The following RABGAP1L variants were observed in gnomAD, a reference collection of about 807,000 sequenced individuals.
RABGAP1L encodes the protein RAB GTPase activating protein 1 like.
A neutral mutation model predicts 137.7 loss-of-function variants in RABGAP1L; 63 were observed. The observed-to-expected ratio is 0.46, with a 90% confidence interval of 0.37 to 0.56. The LOEUF (loss-of-function observed/expected upper bound fraction) is 0.56, where lower values mean the gene tolerates loss of function less well. RABGAP1L is among the 20% of genes least tolerant of loss of function. The pLI, the probability that RABGAP1L is intolerant of heterozygous loss-of-function variation, is 0.00. For synonymous variants in RABGAP1L, 431 were observed against 433.7 expected, an observed-to-expected ratio of 0.99 and a Z score of 0.08; for missense variants, 1,095 against 1,244.0, an observed-to-expected ratio of 0.88 and a Z score of 1.80.
At chr1:174,924,597 A>G (rs1351314558) in intron 19 of RABGAP1L, among the ~76,000 whole-genome samples, 1 of 152,116 alleles carries the variant, frequency 6.6e-6, no homozygotes, top group Non-Finnish European at 1.5e-5. Context: ...CCCCAGGCCC[A>G]GAAAAGATTT....
chr1:174,408,216 C>T (rs1299835985), intron 13 of RABGAP1L, among the ~76,000 whole-genome samples: 1 of 152,152 alleles, frequency 6.6e-6, no homozygotes, highest in Non-Finnish European at 1.5e-5. Flanking sequence ...CAGCCCTTGT[C>T]TCCTTCAGCC....
chr1:174,497,369 A>T (rs1473586381), intron 13 of RABGAP1L, among the ~76,000 whole-genome samples: 1 of 152,214 alleles, frequency 6.6e-6, no homozygotes, highest in African/African-American at 2.4e-5. Flanking sequence ...TATATGAGGA[A>T]ACTGCAAGTT....
chr1:174,679,250 G>A (rs464540), intron 14 of RABGAP1L, among the ~76,000 whole-genome samples: 56,061 of 152,024 alleles, frequency 0.37, 13,549 homozygotes, highest in African/African-American at 0.69. Flanking sequence ...TGCAAGCCCC[G>A]TGTTTAAAGG....
chr1:174,400,638 G>T (rs993145031), intron 13 of RABGAP1L, among the ~76,000 whole-genome samples: 5 of 152,124 alleles, frequency 3.3e-5, no homozygotes, highest in Non-Finnish European at 7.4e-5. Context: ...TATTCATCTT[G>T]TTGGGGAGAG....
chr1:174,812,988 G>A (rs1690032652), intron 19 of RABGAP1L, among the ~76,000 whole-genome samples: 1 of 152,216 alleles, frequency 6.6e-6, no homozygotes, highest in Non-Finnish European at 1.5e-5. Context: ...AATGAAATGG[G>A]AGTAGTAGGA....
At chr1:174,626,964 G>A (rs1672981438) in intron 13 of RABGAP1L, among the ~76,000 whole-genome samples, 1 of 152,138 alleles carries the variant, frequency 6.6e-6, no homozygotes, top group Admixed American at 6.6e-5. Flanking sequence ...AGGTCAAAGA[G>A]TTTTTCAGCT....
At chr1:174,754,345 GA>G in intron 18 of RABGAP1L, among the ~76,000 whole-genome samples, 1 of 152,064 alleles carries the variant, frequency 6.6e-6, no homozygotes, top group East Asian at 1.9e-4. Context: ...CCACCACTTG[GA>G]AAAAAAGAAT....
chr1:174,314,921 C>A (rs955627981), intron 11 of RABGAP1L, among the ~76,000 whole-genome samples: 1 of 152,020 alleles, frequency 6.6e-6, no homozygotes, highest in Non-Finnish European at 1.5e-5. Context: ...TATGGTCTGT[C>A]CTTGAGAATC....
In RABGAP1L at chr1:174,651,381, A is replaced by G. The variant is rs1291965867; in HGVS notation, c.1824+13893A>G. ...TGGTGCAGAGCTCAGTTCAATTCCCAGGTATCCTTGTTAACTTTCTGTCTC... is the reference window on the plus strand; with the variant it reads ...TGGTGCAGAGCTCAGTTCAATTCCCGGGTATCCTTGTTAACTTTCTGTCTC... On this transcript the variant is annotated intron_variant, in intron 14 of 25. Coordinates refer to ENST00000681986, the MANE Select transcript of RABGAP1L (RefSeq NM_001366446.1). 5.3e-5 allele frequency among the ~76,000 whole-genome samples: 8 copies of G among 152,144 alleles called. No homozygotes were observed. The East Asian group carries it at 9.7e-4, about 18-fold the overall frequency.
chr1:174,282,555 T>C (rs1244460304), intron 10 of RABGAP1L, among the ~76,000 whole-genome samples: 3 of 152,226 alleles, frequency 2.0e-5, no homozygotes, highest in Non-Finnish European at 4.4e-5. Context: ...AATAGTTTCT[T>C]CCTGACAGTG....
chr1:174,560,834 G>C (rs1002864761), intron 13 of RABGAP1L, among the ~76,000 whole-genome samples: 2 of 152,036 alleles, frequency 1.3e-5, no homozygotes, highest in African/African-American at 4.8e-5. Flanking sequence ...TTCTGTTCCC[G>C]TGTTAATTTG....
At chr1:174,259,683 GA>G (rs1673415947) in intron 7 of RABGAP1L, among the ~76,000 whole-genome samples, 1 of 151,922 alleles carries the variant, frequency 6.6e-6, no homozygotes, top group Non-Finnish European at 1.5e-5. Context: ...TCCTTTTCTT[GA>G]TTACCCATGT....
At chr1:174,717,990 G>A (rs1045030146) in intron 17 of RABGAP1L, among the ~76,000 whole-genome samples, 1 of 152,196 alleles carries the variant, frequency 6.6e-6, no homozygotes, top group Admixed American at 6.5e-5. Flanking sequence ...GGCTTCCTCT[G>A]TCTGCTGCTT....
intron 11 of RABGAP1L, among the ~76,000 whole-genome samples, chr1:174,363,785 C>T (rs1684341620): frequency 6.6e-6 from 1 of 151,762 alleles, no homozygotes; most frequent in Non-Finnish European, 1.5e-5. Context: ...AGTGCTTTTT[C>T]AGCATTAATT....
intron 1 of RABGAP1L, among the ~76,000 whole-genome samples, chr1:174,205,898 A>G (rs908905585): frequency 1.3e-5 from 2 of 152,234 alleles, no homozygotes; most frequent in Non-Finnish European, 2.9e-5. Flanking sequence ...TGAAAGGAAT[A>G]TTTTAGGGAA....
At chr1:174,714,337 GACTT>G (rs1248863319) in intron 17 of RABGAP1L, among the ~76,000 whole-genome samples, 2 of 152,052 alleles carry the variant, frequency 1.3e-5, no homozygotes, top group Non-Finnish European at 2.9e-5. Context: ...TTTATTTATT[GACTT>G]ACTTTGTATT....
chr1:174,321,262 GC>G (rs1679948163), intron 11 of RABGAP1L, among the ~76,000 whole-genome samples: 1 of 152,142 alleles, frequency 6.6e-6, no homozygotes, highest in Non-Finnish European at 1.5e-5. Context: ...GCCCAGTGGG[GC>G]ATGAAACTTC....
intron 14 of RABGAP1L, among the ~76,000 whole-genome samples, chr1:174,671,989 C>T (rs557968307): frequency 1.8e-4 from 28 of 152,132 alleles, no homozygotes; most frequent in African/African-American, 5.8e-4. Flanking sequence ...CTGATTCAGT[C>T]GTCTCCTTAC....
intron 13 of RABGAP1L, among the ~76,000 whole-genome samples, chr1:174,547,333 A>T (rs925124677): frequency 1.3e-5 from 2 of 151,998 alleles, no homozygotes; most frequent in African/African-American, 4.8e-5. Context: ...AAGAGCAAGT[A>T]AGCCTGGGTG....
Sources: allele counts gnomAD v4.1 joint callset (sites outside exome capture counted in the v4.1 genomes callset), GRCh38; gene constraint gnomAD v4.1.1; transcripts MANE v1.5; gene names NCBI Gene and HGNC (gene_info 2026-07-23, HGNC 2026-07-21).